Variants in GPC5 observed in about 807,000 individuals in gnomAD.
GPC5 encodes glypican 5.
A neutral mutation model predicts 53.9 loss-of-function variants in GPC5; 47 were observed. The ratio of observed to expected loss-of-function variants is 0.87; its 90% CI spans 0.69 to 1.11. The LOEUF is 1.11. Among genes scored for constraint, GPC5 ranks in the 50% most tolerant of loss-of-function variants. The pLI, the probability that GPC5 is intolerant of heterozygous loss-of-function variation, is 0.00. For synonymous variants in GPC5, 286 were observed against 263.3 expected (o/e 1.09, Z -0.84); for missense variants, 748 against 713.1 (o/e 1.05, Z -0.56).
At chr13:91,609,374 T>A (rs1429766581) in intron 2 of GPC5, among the ~76,000 whole-genome samples, 2 of 151,942 alleles carry the variant, frequency 1.3e-5, no homozygotes, top group Non-Finnish European at 2.9e-5. Context: ...CCAAAAACAA[T>A]ACAAGAGGCT....
chr13:91,708,978 C>T (rs928858089), intron 3 of GPC5, among the ~76,000 whole-genome samples: 23 of 152,328 alleles, frequency 1.5e-4, no homozygotes, highest in Admixed American at 3.9e-4. Context: ...GTTTTCCCCA[C>T]GGATGCTCAA....
At position 91,758,817 on chromosome 13, in the gene GPC5, A is replaced by G. The variant is rs116534306; in HGVS notation, c.1280+2397A>G. ...GCATAGAGACTCCAGTCTTTCGTGA[A>G]CAAGCTTCACTGTGTCTTTAACTAT... On this transcript the variant is annotated intron_variant, in intron 5 of 7. Transcript: ENST00000377067. Among the ~76,000 whole-genome samples the G allele has an allele frequency of 1.0e-2, 1,520 of 152,212 alleles. 27 individuals carry two copies. Among genetic ancestry groups the G allele is most frequent in the African/African-American group, 0.033 (1,386 of 41,534 alleles).
At chr13:91,628,939 G>A (rs1168845567) in intron 2 of GPC5, among the ~76,000 whole-genome samples, 3 of 152,158 alleles carry the variant, frequency 2.0e-5, no homozygotes, top group Non-Finnish European at 4.4e-5. Flanking sequence ...ACACTGGGAT[G>A]CAGAGAGTTA....
At chr13:92,291,145 T>A (rs1031033096) in intron 7 of GPC5, among the ~76,000 whole-genome samples, 2 of 152,124 alleles carry the variant, frequency 1.3e-5, no homozygotes, top group African/African-American at 4.8e-5. Context: ...CGTGGGCTCC[T>A]GTGCGGCCGG....
chr13:92,048,548 C>G (rs1212298039), intron 6 of GPC5, among the ~76,000 whole-genome samples: 1 of 152,164 alleles, frequency 6.6e-6, no homozygotes, highest in Non-Finnish European at 1.5e-5. Flanking sequence ...GCCAACACAT[C>G]TATCGCTAAT....
intron 2 of GPC5, among the ~76,000 whole-genome samples, chr13:91,559,209 A>G (rs2031123919): frequency 1.3e-5 from 2 of 152,184 alleles, no homozygotes; most frequent in African/African-American, 2.4e-5. Flanking sequence ...CCTAACACCT[A>G]TGGTTGACTA....
chr13:91,779,905 TAGA>T (rs1425669411), intron 5 of GPC5, among the ~76,000 whole-genome samples: 2 of 152,056 alleles, frequency 1.3e-5, no homozygotes, highest in Non-Finnish European at 2.9e-5. Flanking sequence ...AAAAAATAAG[TAGA>T]AGGAGTATAC....
chr13:92,408,998 A>G (rs1249968724), intron 7 of GPC5, among the ~76,000 whole-genome samples: 1 of 152,114 alleles, frequency 6.6e-6, no homozygotes, highest in African/African-American at 2.4e-5. Context: ...GAAGGTTTGT[A>G]CAGTAAATGA....
intron 7 of GPC5, among the ~76,000 whole-genome samples, chr13:92,356,738 T>G (rs1044055163): frequency 6.6e-6 from 1 of 152,198 alleles, no homozygotes; most frequent in African/African-American, 2.4e-5. Flanking sequence ...GAGGTACATA[T>G]GCAGGCTTGT....
At chr13:92,125,379 T>A (rs1450289493) in intron 6 of GPC5, among the ~76,000 whole-genome samples, 4 of 151,862 alleles carry the variant, frequency 2.6e-5, no homozygotes, top group African/African-American at 9.7e-5. Flanking sequence ...AAATAAATAA[T>A]AAAGATGGTT....
At chr13:91,831,249 A>G (rs117620773) in intron 5 of GPC5, among the ~76,000 whole-genome samples, 6,672 of 151,360 alleles carry the variant, frequency 0.044, 174 homozygotes, top group Middle Eastern at 0.065. Context: ...GGAGGGCAGG[A>G]AGCATCCAGC....
chr13:92,026,759 A>G (rs2040804191), intron 6 of GPC5, among the ~76,000 whole-genome samples: 1 of 152,150 alleles, frequency 6.6e-6, no homozygotes, highest in Admixed American at 6.6e-5. Context: ...GAAACACTGT[A>G]TTGGTGGCTA....
intron 7 of GPC5, among the ~76,000 whole-genome samples, chr13:92,419,656 A>G (rs1876473067): frequency 6.6e-6 from 1 of 152,178 alleles, no homozygotes; most frequent in South Asian, 2.1e-4. Flanking sequence ...AATTATTGAA[A>G]ATGGTTTCTA....
chr13:92,381,817 A>T (rs1171681921), intron 7 of GPC5, among the ~76,000 whole-genome samples: 1 of 125,490 alleles, frequency 8.0e-6, no homozygotes, highest in Non-Finnish European at 1.7e-5. Context: ...ATATTATTTC[A>T]TATATAATCA....
intron 7 of GPC5, among the ~76,000 whole-genome samples, chr13:92,177,696 T>C (rs144795818): frequency 6.6e-6 from 1 of 152,308 alleles, no homozygotes; most frequent in East Asian, 1.9e-4. Flanking sequence ...GTCTGATAAA[T>C]ATTTTTTGTG....
chr13:92,844,753 T>C (rs1410908078), intron 7 of GPC5, among the ~76,000 whole-genome samples: 1 of 152,124 alleles, frequency 6.6e-6, no homozygotes, highest in Non-Finnish European at 1.5e-5. Context: ...TAAATGGCAG[T>C]TATATATACA....
At chr13:92,386,769 T>C in intron 7 of GPC5, among the ~76,000 whole-genome samples, 1 of 152,192 alleles carries the variant, frequency 6.6e-6, no homozygotes, top group East Asian at 1.9e-4. Flanking sequence ...TTATTATTAC[T>C]ATATATCTCT....
At chr13:92,413,897 GTTA>G (rs1305897833) in intron 7 of GPC5, among the ~76,000 whole-genome samples, 1 of 152,120 alleles carries the variant, frequency 6.6e-6, no homozygotes, top group African/African-American at 2.4e-5. Flanking sequence ...AAATATGTTT[GTTA>G]TTATGTGTGT....
intron 7 of GPC5, among the ~76,000 whole-genome samples, chr13:92,566,573 A>G (rs1368234000): frequency 6.6e-6 from 1 of 152,124 alleles, no homozygotes; most frequent in African/African-American, 2.4e-5. Context: ...TCCAGCCATT[A>G]GCAAATAAAT....
Sources: gnomAD v4.1 joint callset for allele counts (sites outside exome capture counted in the v4.1 genomes callset) on GRCh38, gnomAD v4.1.1 for gene constraint, MANE v1.5 for transcripts, NCBI Gene and HGNC (gene_info 2026-07-23, HGNC 2026-07-21) for gene names.